The following PABPC4L variants were observed in gnomAD, a reference collection of about 807,000 sequenced individuals.
PABPC4L encodes the protein poly(A) binding protein cytoplasmic 4 like, also known as polyadenylate-binding protein 4-like.
For missense variants in PABPC4L, 452 were observed against 451.4 expected (o/e 1.00, Z -0.01); for synonymous variants, 169 against 164.1 (o/e 1.03, Z -0.23).
the PABPC4L span, among the ~76,000 whole-genome samples, chr4:134,053,999 G>GA: frequency 1.3e-5 from 2 of 150,656 alleles, no homozygotes; most frequent in African/African-American, 4.9e-5. Context: ...TAAATTTTAT[G>GA]AAAAAAAATA....
chr4:133,977,212 T>A, the PABPC4L span, among the ~76,000 whole-genome samples: 2 of 152,140 alleles, frequency 1.3e-5, no homozygotes, highest in African/African-American at 2.4e-5. Context: ...TTGTTGAAGA[T>A]CAGATCGTTG....
At chr4:134,135,711 T>TA in the PABPC4L span, among the ~76,000 whole-genome samples, 1 of 151,990 alleles carries the variant, frequency 6.6e-6, no homozygotes. Context: ...CACATGCCTA[T>TA]AATCCCAGAT....
chr4:133,988,755 G>A, the PABPC4L span, among the ~76,000 whole-genome samples: 1 of 152,158 alleles, frequency 6.6e-6, no homozygotes, highest in Non-Finnish European at 1.5e-5. Context: ...GTGCCAGTTG[G>A]GACCCTGTGT....
At chr4:133,964,086 C>G in the PABPC4L span, among the ~76,000 whole-genome samples, 29 of 151,728 alleles carry the variant, frequency 1.9e-4, no homozygotes, top group Non-Finnish European at 3.7e-4. Context: ...CAAGATTAAC[C>G]AAGAAAGAAG....
At chr4:134,151,388 C>T in the PABPC4L span, among the ~76,000 whole-genome samples, 1 of 151,980 alleles carries the variant, frequency 6.6e-6, no homozygotes. Flanking sequence ...ATAAATATTG[C>T]TTTACTAAAT....
At chr4:134,008,827 C>T in the PABPC4L span, among the ~76,000 whole-genome samples, 1 of 151,620 alleles carries the variant, frequency 6.6e-6, no homozygotes, top group Non-Finnish European at 1.5e-5. Context: ...CAAAGGTGCT[C>T]TTACCAATGT....
chr4:133,996,557 C>T, the PABPC4L span, among the ~76,000 whole-genome samples: 2 of 152,208 alleles, frequency 1.3e-5, no homozygotes, highest in African/African-American at 4.8e-5. Context: ...CCCCTGCAGG[C>T]ACCAATGACT....
the PABPC4L span, among the ~76,000 whole-genome samples, chr4:133,993,435 G>A: frequency 5.9e-5 from 9 of 152,184 alleles, no homozygotes; most frequent in Non-Finnish European, 1.2e-4. Context: ...GTTGAGAGAA[G>A]ATGTTTAATA....
chr4:134,128,358 G>T, the PABPC4L span, among the ~76,000 whole-genome samples: 1 of 152,128 alleles, frequency 6.6e-6, no homozygotes, highest in Middle Eastern at 3.2e-3. Context: ...AGGCACATAG[G>T]CGTCAGGTTA....
At chr4:134,163,543 A>G in the PABPC4L span, among the ~76,000 whole-genome samples, 1 of 152,144 alleles carries the variant, frequency 6.6e-6, no homozygotes, top group Non-Finnish European at 1.5e-5. Context: ...AGGAAAGAAC[A>G]TAAAAAAAGA....
At chr4:134,102,473 G>T in the PABPC4L span, among the ~76,000 whole-genome samples, 11 of 151,392 alleles carry the variant, frequency 7.3e-5, no homozygotes, top group South Asian at 2.1e-4. Flanking sequence ...TATAGCATGA[G>T]AATTATAATG....
the PABPC4L span, among the ~76,000 whole-genome samples, chr4:134,097,325 C>T: frequency 6.6e-6 from 1 of 151,782 alleles, no homozygotes; most frequent in East Asian, 1.9e-4. Context: ...AACAGCTGAA[C>T]ATCAGACTTG....
At chr4:134,141,903 A>G in the PABPC4L span, among the ~76,000 whole-genome samples, 1 of 151,768 alleles carries the variant, frequency 6.6e-6, no homozygotes, top group Non-Finnish European at 1.5e-5. Context: ...AAATGCAAAT[A>G]GCATTCCAGA....
At chr4:134,081,962 C>A in the PABPC4L span, among the ~76,000 whole-genome samples, 2 of 152,016 alleles carry the variant, frequency 1.3e-5, no homozygotes, top group South Asian at 4.1e-4. Flanking sequence ...ATTCAAAACT[C>A]CCTGTGTATA....
chr4:134,026,748 T>G, the PABPC4L span, among the ~76,000 whole-genome samples: 1 of 152,108 alleles, frequency 6.6e-6, no homozygotes. Flanking sequence ...TCCAGTCCAA[T>G]CTTACTGGTG....
chr4:134,193,885 T>C (rs1278836628), downstream of PABPC4L, among the ~76,000 whole-genome samples: 1 of 151,952 alleles, frequency 6.6e-6, no homozygotes, highest in African/African-American at 2.4e-5. Flanking sequence ...AACTGTGGCG[T>C]AGATCTTGAA....
chr4:134,185,888 A>G, the PABPC4L span, among the ~76,000 whole-genome samples: 3 of 152,148 alleles, frequency 2.0e-5, no homozygotes, highest in Admixed American at 1.3e-4. Flanking sequence ...CCTATACACC[A>G]ATAACAAACA....
the PABPC4L span, among the ~76,000 whole-genome samples, chr4:134,033,621 T>C: frequency 6.6e-6 from 1 of 151,932 alleles, no homozygotes; most frequent in Non-Finnish European, 1.5e-5. Flanking sequence ...GTTTTATTTC[T>C]AATATGAAGA....
At chr4:133,982,237 A>AT in the PABPC4L span, among the ~76,000 whole-genome samples, 1 of 151,976 alleles carries the variant, frequency 6.6e-6, no homozygotes, top group Non-Finnish European at 1.5e-5. Context: ...GAAGCAGCTT[A>AT]TTTTTTTAAT....
Sources: gnomAD v4.1 joint callset for allele counts (sites outside exome capture counted in the v4.1 genomes callset) on GRCh38, gnomAD v4.1.1 for gene constraint, MANE v1.5 for transcripts, NCBI Gene and HGNC (gene_info 2026-07-23, HGNC 2026-07-21) for gene names.